Variants in PITPNM3 observed in about 807,000 individuals in gnomAD.
PITPNM3 encodes membrane-associated phosphatidylinositol transfer protein 3.
PITPNM3 carries 26 observed loss-of-function variants against 102.0 expected under a neutral mutation model. The ratio of observed to expected loss-of-function variants is 0.25; its 90% CI spans 0.19 to 0.35. The LOEUF (loss-of-function observed/expected upper bound fraction) is 0.35. PITPNM3 is among the 10% of genes least tolerant of loss of function. The probability of loss-of-function intolerance (pLI) is 1.00; values close to 1 mark genes in which losing one functional copy is unlikely to be tolerated. For synonymous variants in PITPNM3, 578 were observed against 558.6 expected, an observed-to-expected ratio of 1.03 and a Z score of -0.49; for missense variants, 1,083 against 1,346.1, an observed-to-expected ratio of 0.80 and a Z score of 3.06.
At chr17:6,475,174 C>T (rs1272517149) in intron 9 of PITPNM3, among the ~76,000 whole-genome samples, 4 of 152,228 alleles carry the variant, frequency 2.6e-5, no homozygotes, top group Non-Finnish European at 4.4e-5. Context: ...AGGCAACCCG[C>T]AGACACAGAT....
intron 4 of PITPNM3, among the ~76,000 whole-genome samples, chr17:6,498,039 G>C (rs1208775496): frequency 2.6e-5 from 4 of 152,202 alleles, no homozygotes; most frequent in African/African-American, 9.7e-5. Flanking sequence ...CGTGGGCAGA[G>C]GAAGGGGAGT....
chr17:6,528,467 T>C (rs559252341), intron 2 of PITPNM3, among the ~76,000 whole-genome samples: 7 of 152,106 alleles, frequency 4.6e-5, no homozygotes, highest in African/African-American at 9.6e-5. Context: ...CACGTGCATG[T>C]GTGTGTGCAT....
At chr17:6,531,045 G>C (rs541036144) in intron 2 of PITPNM3, among the ~76,000 whole-genome samples, 1 of 152,206 alleles carries the variant, frequency 6.6e-6, no homozygotes, top group Non-Finnish European at 1.5e-5. Flanking sequence ...GGCACTCCCA[G>C]TAACACTATC....
At chr17:6,480,233 C>T (rs1461273023) in intron 6 of PITPNM3, 4 of 152,254 alleles carry the variant, frequency 2.6e-5, no homozygotes, top group Admixed American at 2.6e-4. Context: ...ACCTAATCTT[C>T]CTTCCTTCCA....
chr17:6,518,789 G>A (rs4374217), intron 3 of PITPNM3, among the ~76,000 whole-genome samples: 42,694 of 152,054 alleles, frequency 0.28, 6,974 homozygotes, highest in Middle Eastern at 0.5. Flanking sequence ...AATGAACAAT[G>A]AGGGGAATGA....
chr17:6,476,906 G>T, intron 9 of PITPNM3, 123 bp downstream of exon 9: 1 of 1,271,780 alleles, frequency 7.9e-7, no homozygotes. Context: ...AGTGGCCTTG[G>T]TCCCAGCATT....
intron 9 of PITPNM3, among the ~76,000 whole-genome samples, chr17:6,476,527 T>A (rs12949954): frequency 0.51 from 78,269 of 152,040 alleles, 21,964 homozygotes; most frequent in Middle Eastern, 0.64. Flanking sequence ...TTGGATTAGA[T>A]ACATGAACTT....
chr17:6,464,496 C>T (rs1206632462), intron 15 of PITPNM3, among the ~76,000 whole-genome samples, 159 bp downstream of exon 15: 1 of 152,166 alleles, frequency 6.6e-6, no homozygotes, highest in Non-Finnish European at 1.5e-5. Context: ...CCTTGCTCAC[C>T]CTTCCCGGCC....
intron 2 of PITPNM3, among the ~76,000 whole-genome samples, chr17:6,527,117 C>T (rs1225033416): frequency 6.6e-6 from 1 of 152,220 alleles, no homozygotes; most frequent in Non-Finnish European, 1.5e-5. Flanking sequence ...ACAATAACGA[C>T]TCAGGGTCTA....
chr17:6,554,842 C>G (rs1384543180), intron 1 of PITPNM3, among the ~76,000 whole-genome samples: 1 of 152,202 alleles, frequency 6.6e-6, no homozygotes, highest in African/African-American at 2.4e-5. Context: ...CGCATTTCCT[C>G]CCTCCCAGGA....
In PITPNM3 at chr17:6,538,186, C is replaced by A. The variant is rs959204991; in HGVS notation, c.23-104G>T. 1.0e-5 allele frequency: 8 copies of A among 799,380 alleles called. No homozygotes were observed. The African/African-American group carries it at 1.2e-4, about 12-fold the overall frequency. The allele number at this position is 799,380 out of a possible 1,614,324, so 49.5% of individuals were successfully genotyped here. ...ACTAAAGGCCAGTTAGCATCCTGCA[C>A]ATCTGTGCCCTCTCCCTCCGAGGCC... On this transcript the variant is annotated intron_variant, in intron 1 of 19. Coordinates refer to ENST00000262483, the MANE Select transcript of PITPNM3 (RefSeq NM_031220.4).
At chr17:6,501,510 C>T (rs896443919) in intron 4 of PITPNM3, among the ~76,000 whole-genome samples, 12 of 152,152 alleles carry the variant, frequency 7.9e-5, no homozygotes, top group African/African-American at 2.4e-4. Flanking sequence ...TACCAGGCAA[C>T]GGGACACCAG....
intron 3 of PITPNM3, among the ~76,000 whole-genome samples, chr17:6,512,316 G>A (rs1907912938): frequency 6.6e-6 from 1 of 151,882 alleles, no homozygotes. Context: ...AGGCTGACAG[G>A]GAACTGCAAA....
intron 4 of PITPNM3, among the ~76,000 whole-genome samples, chr17:6,492,065 CTT>C (rs554684663): frequency 8.7e-5 from 12 of 137,516 alleles, no homozygotes; most frequent in Admixed American, 1.5e-4. Flanking sequence ...ATGCAAGGAA[CTT>C]TTTTTTTTTT....
Position 6,461,466 on chromosome 17 carries a change from G to A in PITPNM3, c.2397C>T (p.His799=). Reference sequence around the variant, plus strand: ...AGAAGATCATGCCCTGTGGGAAGTTGTGCTGGGACAGCCACGACACCACCC... The same window carrying A: ...AGAAGATCATGCCCTGTGGGAAGTTATGCTGGGACAGCCACGACACCACCC... ...KQRVVSWLSQ[H]NFPQGMIFFS... The change falls in exon 18 of 20, where the codon CAC becomes CAT. Residue 799 remains histidine (H), a synonymous_variant. Transcript: ENST00000262483. 6.2e-7 allele frequency: 1 copy of A among 1,614,214 alleles called. No individual in the cohort carries two copies. Among genetic ancestry groups the A allele is most frequent in the Non-Finnish European group, 8.5e-7 (1 of 1,180,024 alleles).
chr17:6,466,761 G>A (rs911113165), intron 14 of PITPNM3, among the ~76,000 whole-genome samples: 4 of 152,048 alleles, frequency 2.6e-5, no homozygotes, highest in East Asian at 1.9e-4. Context: ...CGAGAGAAAT[G>A]AAAACACAGG....
chr17:6,552,348 G>A (rs1432590276), intron 1 of PITPNM3, among the ~76,000 whole-genome samples: 2 of 152,152 alleles, frequency 1.3e-5, no homozygotes, highest in Non-Finnish European at 2.9e-5. Flanking sequence ...GGGAGAGAGG[G>A]GCAGCCTGTT....
chr17:6,459,741 T>C lies in PITPNM3; in HGVS notation c.2490+1632A>G, dbSNP rs1336402395. ...GCAGAACGGACAGGCTCTGCCTCCA[T>C]GGAGACCTTGGTCAGGTGTGTAGCA... On this transcript the variant is annotated intron_variant, in intron 18 of 19. Transcript: ENST00000262483. This position sits in a 1 kb window ranked among gnomAD's most constrained non-coding sequence, Gnocchi z 5.0. 6.6e-6 allele frequency among the ~76,000 whole-genome samples: 1 copy of C among 152,188 alleles called. No homozygotes were observed. The highest frequency in any genetic ancestry group is 1.5e-5 in the Non-Finnish European group (1 of 68,032).
chr17:6,518,466 G>T (rs1908312197), intron 3 of PITPNM3, among the ~76,000 whole-genome samples: 1 of 150,854 alleles, frequency 6.6e-6, no homozygotes, highest in South Asian at 2.1e-4. Context: ...AAAAAAAAAG[G>T]TAACCTTGCT....
Sources: gnomAD v4.1 joint callset for allele counts (sites outside exome capture counted in the v4.1 genomes callset) on GRCh38, gnomAD v4.1.1 for gene constraint, Gnocchi (gnomAD v3.1) non-coding constraint, MANE v1.5 for transcripts, NCBI Gene and HGNC (gene_info 2026-07-23, HGNC 2026-07-21) for gene names.